Variants in DNAH9 observed in about 807,000 individuals in gnomAD.
DNAH9 encodes dynein axonemal heavy chain 9.
Under a neutral mutation model 471.6 loss-of-function variants are expected in DNAH9, and 345 were observed. That is an observed-to-expected ratio of 0.73 (90% confidence interval 0.67 to 0.80). The LOEUF (loss-of-function observed/expected upper bound fraction) is 0.80. Among genes scored for constraint, DNAH9 ranks in the 30% least tolerant of loss-of-function variants. The pLI, the probability that DNAH9 is intolerant of heterozygous loss-of-function variation, is 0.00. For synonymous variants in DNAH9, 2,093 were observed against 2,123.6 expected (o/e 0.99, Z 0.40); for missense variants, 5,407 against 5,609.2 (o/e 0.96, Z 1.15).
In DNAH9 at chr17:11,651,266, G is replaced by A. The variant is rs146934895; in HGVS notation, c.2295G>A (p.Leu765=). The A allele has an allele frequency of 7.8e-4, 1,261 of 1,613,800 alleles. 6 individuals are homozygous for A. Among genetic ancestry groups the A allele is most frequent in the Non-Finnish European group, 7.7e-4 (906 of 1,179,914 alleles). Reference sequence around the variant, plus strand: ...AATTTCCATTAGTGGAGGAAGAGCTGCAAAATATTGATCTCCGCCTCAGAG... The same window carrying A: ...AATTTCCATTAGTGGAGGAAGAGCTACAAAATATTGATCTCCGCCTCAGAG... ...EVEFPLVEEE[L]QNIDLRLRAA... Residue 765 remains leucine (L), a synonymous_variant, in exon 13 of 69, where the codon CTG becomes CTA. Coordinates refer to ENST00000262442, the MANE Select transcript of DNAH9 (RefSeq NM_001372.4).
intron 35 of DNAH9, among the ~76,000 whole-genome samples, chr17:11,759,412 T>A (rs1967555003): frequency 6.6e-6 from 1 of 152,020 alleles, no homozygotes; most frequent in Admixed American, 6.6e-5. Flanking sequence ...TTGCTAAGGA[T>A]AATGGACTCC....
rs769743036 is a variant in DNAH9 at position 11,619,642 on chromosome 17, TCAAG to T, written c.1216_1219del (p.Gln406SerfsTer47). 2 of 1,614,102 alleles carry T rather than the reference TCAAG, an allele frequency of 1.2e-6. No individual in the cohort carries two copies. The highest frequency in any genetic ancestry group is 1.7e-6 in the Non-Finnish European group (2 of 1,179,960). On this transcript the variant is annotated frameshift_variant, in exon 6 of 69. Transcript: ENST00000262442. LOFTEE classifies it high-confidence loss of function. The stretch of plus-strand genomic sequence containing the variant: ...GTGGTCTCAGACACTTTGAGCTTCT[TCAAG>T]CAAGAGTTTCAGGACAGAAGGGAGA...
intron 61 of DNAH9, among the ~76,000 whole-genome samples, chr17:11,912,883 G>C (rs866047635): frequency 6.6e-6 from 1 of 151,880 alleles, no homozygotes; most frequent in African/African-American, 2.4e-5. Flanking sequence ...TAAAGATTTT[G>C]TAGGCCAGGC....
intron 67 of DNAH9, among the ~76,000 whole-genome samples, chr17:11,942,898 T>TC (rs1249406936): frequency 6.9e-6 from 1 of 144,296 alleles, no homozygotes; most frequent in Non-Finnish European, 1.5e-5. Context: ...TGTTTTTTCT[T>TC]TTTTTTTTTT....
intron 67 of DNAH9, 115 bp downstream of exon 67, chr17:11,942,600 C>A: frequency 8.7e-7 from 1 of 1,143,796 alleles, no homozygotes; most frequent in Non-Finnish European, 1.2e-6. Context: ...TGTCCTGCAG[C>A]ATCCTAGGTG....
chr17:11,769,303 A>G lies in DNAH9; in HGVS notation c.7526A>G (p.Tyr2509Cys), dbSNP rs763911227. 2.5e-6 allele frequency: 4 copies of G among 1,613,592 alleles called. No individual in the cohort carries two copies. In the South Asian group the frequency reaches 3.3e-5, roughly 13 times the overall value. The change falls in exon 38 of 69, where the codon TAC becomes TGC. Residue 2509 changes from tyrosine (Y) to cysteine (C), a missense_variant. Coordinates refer to ENST00000262442, the MANE Select transcript of DNAH9 (RefSeq NM_001372.4). ...CTGGTGAAAAACGTGCCATTCAACT[A>G]CTACACCACGTCAGCAATGCTGCAG... The part of the protein sequence containing the change: ...AYLVKNVPFN[Y>C]YTTSAMLQAV...
chr17:11,787,088 A>C (rs1968900812), intron 41 of DNAH9, among the ~76,000 whole-genome samples: 1 of 152,338 alleles, frequency 6.6e-6, no homozygotes. Flanking sequence ...ACAGTGTTTA[A>C]CTGATCAAAG....
chr17:11,880,333 A>C, intron 54 of DNAH9, 133 bp downstream of exon 54: 1 of 1,150,136 alleles, frequency 8.7e-7, no homozygotes, highest in Non-Finnish European at 1.2e-6. Flanking sequence ...CAGCACATCC[A>C]CCTTTCTTTC....
rs1221241464 is a variant in DNAH9, at chr17:11,930,056, A to T, written c.12068A>T (p.His4023Leu). 1 of 1,614,148 alleles carries T rather than the reference A, an allele frequency of 6.2e-7. No homozygotes were observed. Among genetic ancestry groups the T allele is most frequent in the African/African-American group, 1.3e-5 (1 of 75,056 alleles). ...KITNEPPTGMHANLHKALDNF... is the reference protein window; with the variant it reads ...KITNEPPTGMLANLHKALDNF... ...ACCAATGAGCCCCCCACGGGCATGC[A>T]TGCCAACCTGCACAAGGCCCTGGAC... The change falls in exon 63 of 69, where the codon CAT becomes CTT. Residue 4023 changes from histidine (H) to leucine (L), a missense_variant. This residue lies in a region of DNAH9 where 4,636 missense variants were observed against 4,900.3 expected (regional missense o/e 0.95). Coordinates refer to ENST00000262442, the MANE Select transcript of DNAH9 (RefSeq NM_001372.4).
chr17:11,952,357 T>G (rs886540921), intron 67 of DNAH9, among the ~76,000 whole-genome samples: 4 of 133,912 alleles, frequency 3.0e-5, no homozygotes, highest in African/African-American at 1.1e-4. Context: ...CAGGCCTCAC[T>G]GTGTTTCCCA....
chr17:11,780,339 G>A (rs557090652), intron 38 of DNAH9, among the ~76,000 whole-genome samples: 2 of 152,328 alleles, frequency 1.3e-5, no homozygotes, highest in South Asian at 2.1e-4. Flanking sequence ...AAAATCCCAC[G>A]AGATGAACTC....
chr17:11,901,498 C>A (rs894144972), intron 59 of DNAH9, among the ~76,000 whole-genome samples: 1 of 152,082 alleles, frequency 6.6e-6, no homozygotes, highest in Non-Finnish European at 1.5e-5. Context: ...GAGTTCAAGA[C>A]CAGCCCGACC....
At chr17:11,829,126 T>G (rs1339999455) in intron 48 of DNAH9, among the ~76,000 whole-genome samples, 1 of 152,200 alleles carries the variant, frequency 6.6e-6, no homozygotes, top group Non-Finnish European at 1.5e-5. Context: ...TAATAATGAT[T>G]CTTCTAGTAA....
At chr17:11,757,221 G>A (rs1012473423) in intron 34 of DNAH9, among the ~76,000 whole-genome samples, 2 of 152,198 alleles carry the variant, frequency 1.3e-5, no homozygotes, top group African/African-American at 4.8e-5. Context: ...CCATACTGTA[G>A]TGTGCACTTA....
intron 38 of DNAH9, among the ~76,000 whole-genome samples, chr17:11,775,665 C>T (rs149056392): frequency 0.037 from 4,855 of 130,952 alleles, 101 homozygotes; most frequent in South Asian, 0.073. Flanking sequence ...AGTGCAGTGG[C>T]GCGATCTCGG....
intron 55 of DNAH9, among the ~76,000 whole-genome samples, chr17:11,882,183 T>G (rs576300422): frequency 1.3e-5 from 2 of 152,308 alleles, no homozygotes; most frequent in South Asian, 4.1e-4. Context: ...ATCATGTTGG[T>G]TTTTGGTGAG....
chr17:11,833,511 T>C (rs1465961314), intron 48 of DNAH9, among the ~76,000 whole-genome samples: 7 of 152,112 alleles, frequency 4.6e-5, no homozygotes, highest in Admixed American at 2.0e-4. Flanking sequence ...GGAAGTCTGA[T>C]GTTCTATGTG....
chr17:11,783,653 C>A lies in DNAH9; in HGVS notation c.7726C>A (p.Arg2576=), dbSNP rs773865030. 1.2e-6 allele frequency: 2 copies of A among 1,613,564 alleles called. No homozygotes were observed. The highest frequency in any genetic ancestry group is 1.3e-5 in the African/African-American group (1 of 74,874). ...AGCTTCTGACTGTTCCAGGTATGAT[C>A]GGAGCAAGCTGTCCCTAAAGGAGAT... ...QHLDYGHWYD[R]SKLSLKEITN... is the part of the protein sequence containing the mutation. The change falls in exon 40 of 69, where the codon CGG becomes AGG. Residue 2576 remains arginine, a synonymous_variant. Coordinates refer to ENST00000262442, the MANE Select transcript of DNAH9 (RefSeq NM_001372.4).
Position 11,690,372 on chromosome 17 carries a change from G to T in DNAH9, c.4550G>T (p.Arg1517Leu). Residue 1517 changes from arginine (R) to leucine (L), a missense_variant, in exon 20 of 69, where the codon CGA becomes CTA. Arg to Leu is a moderately radical substitution (Grantham distance 102, BLOSUM62 -2). Around this residue, in one of 3 missense-constraint regions of DNAH9, gnomAD observed 4,636 missense variants for 4,900.3 expected, o/e 0.95. Coordinates refer to ENST00000262442, the MANE Select transcript of DNAH9 (RefSeq NM_001372.4). ...AVISIWFEVQRTWTHLESIFT... is the reference protein window; with the variant it reads ...AVISIWFEVQLTWTHLESIFT... ...ATCTCTATCTGGTTTGAAGTGCAGC[G>T]AACATGGACTCACCTGGAAAGCATA... is the stretch of plus-strand genomic sequence containing the variant. 1 of 1,614,118 alleles carries T rather than the reference G, an allele frequency of 6.2e-7. No individual in the cohort carries two copies. The highest frequency in any genetic ancestry group is 8.5e-7 in the Non-Finnish European group (1 of 1,180,010).
Sources: gnomAD v4.1 joint callset for allele counts (sites outside exome capture counted in the v4.1 genomes callset) on GRCh38, gnomAD v4.1.1 for gene constraint, gnomAD v4.1.1 regional missense constraint, MANE v1.5 for transcripts, NCBI Gene and HGNC (gene_info 2026-07-23, HGNC 2026-07-21) for gene names.